The following ABHD4 variants were observed in gnomAD, a reference collection of about 807,000 sequenced individuals.
ABHD4 encodes the protein (Lyso)-N-acylphosphatidylethanolamine lipase.
In ABHD4, 35 loss-of-function variants were observed where a neutral mutation model predicts 42.3. The ratio of observed to expected loss-of-function variants is 0.83; its 90% CI spans 0.63 to 1.10. The LOEUF is 1.10. ABHD4 is among the 50% of genes least tolerant of loss of function. ABHD4 has a pLI of 0.00. For missense variants in ABHD4, 389 were observed against 454.8 expected (o/e 0.86, Z 1.32); for synonymous variants, 169 against 170.6 (o/e 0.99, Z 0.07).
intron 4 of ABHD4, chr14:22,604,371 C>T: frequency 3.8e-6 from 1 of 261,002 alleles, no homozygotes; most frequent in South Asian, 6.1e-5. Flanking sequence ...CTGCCTCAGC[C>T]TCCCAAGTAA....
chr14:22,601,795 G>T (rs1475764744), intron 2 of ABHD4, 40 bp downstream of exon 2: 1 of 1,566,216 alleles, frequency 6.4e-7, no homozygotes, highest in Non-Finnish European at 8.8e-7. Context: ...CCCTCATGGA[G>T]CCCAAGAAGG....
At chr14:22,598,559 C>G in intron 1 of ABHD4, 1 of 1,280,706 alleles carries the variant, frequency 7.8e-7, no homozygotes, top group Non-Finnish European at 1.1e-6. Flanking sequence ...GCCCGGGGAT[C>G]CTGGCTTTCT....
chr14:22,604,479 C>T (rs2037325709), intron 4 of ABHD4, among the ~76,000 whole-genome samples: 1 of 152,040 alleles, frequency 6.6e-6, no homozygotes, highest in African/African-American at 2.4e-5. Flanking sequence ...CTCGATCTGA[C>T]CTCGTGATCC....
At chr14:22,609,447 A>G (rs960197173) in intron 5 of ABHD4, among the ~76,000 whole-genome samples, 5 of 152,160 alleles carry the variant, frequency 3.3e-5, no homozygotes, top group African/African-American at 1.2e-4. Flanking sequence ...CCAGGGCATG[A>G]CAGAATATTT....
intron 1 of ABHD4, chr14:22,600,162 A>T (rs114022333): frequency 2.2e-6 from 1 of 455,970 alleles, no homozygotes; most frequent in African/African-American, 2.0e-5. Flanking sequence ...GACACAGAAA[A>T]GCTAAATAAT....
At chr14:22,609,322 A>G (rs1475981712) in intron 5 of ABHD4, among the ~76,000 whole-genome samples, 4 of 152,122 alleles carry the variant, frequency 2.6e-5, no homozygotes, top group Non-Finnish European at 5.9e-5. Flanking sequence ...TTAAATAACA[A>G]TTAATCATAT....
At chr14:22,607,865 C>G (rs545034667) in intron 5 of ABHD4, among the ~76,000 whole-genome samples, 5 of 152,316 alleles carry the variant, frequency 3.3e-5, no homozygotes, top group African/African-American at 1.2e-4. Context: ...AGCTCCCTCA[C>G]CCCCAAACAC....
intron 1 of ABHD4, 135 bp downstream of exon 1, chr14:22,598,464 GGGGT>G: frequency 6.5e-7 from 1 of 1,539,008 alleles, no homozygotes; most frequent in South Asian, 1.2e-5. Flanking sequence ...GGGAGGGCGG[GGGGT>G]GGGTGCGTTG....
In ABHD4 at chr14:22,602,288, G is replaced by A. The variant is rs529178628; in HGVS notation, c.112+533G>A. On this transcript the variant is annotated intron_variant, in intron 2 of 6. Coordinates refer to ENST00000428304, the MANE Select transcript of ABHD4 (RefSeq NM_022060.3). ...CATTGCAGCAGGGCATCCCACTAGC[G>A]GCAGCAGCCACTCGCTCAAACAAGC... 7.2e-5 allele frequency among the ~76,000 whole-genome samples: 11 copies of A among 152,266 alleles called. No individual in the cohort carries two copies. The South Asian group carries it at 1.9e-3, about 26-fold the overall frequency.
At position 22,611,370 on chromosome 14, in the gene ABHD4, C is replaced by T. The variant is rs1268304732; in HGVS notation, c.*422C>T. 5.6e-6 allele frequency: 1 copy of T among 179,462 alleles called. No homozygotes were observed. Among genetic ancestry groups the T allele is most frequent in the Non-Finnish European group, 1.2e-5 (1 of 83,632 alleles). 11.1% of individuals were successfully genotyped at this position (179,462 alleles called of 1,614,324 possible). A position where few individuals can be genotyped will look rare whatever the true frequency, so the allele number is the denominator to read the frequency against. On this transcript the variant is annotated 3_prime_UTR_variant, in exon 7 of 7. Transcript: ENST00000428304. ...AGGTTCCATGCAAGAACACCTTCCT[C>T]CTCCATCCCCCACTTCACCCCATCC...
Position 22,610,894 on chromosome 14 carries a change from C to G in ABHD4, c.975C>G (p.Asp325Glu), listed in dbSNP as rs762013679. The change falls in exon 7 of 7, where the codon GAC becomes GAG. Residue 325 changes from aspartate (D) to glutamate (E), a missense_variant. Asp to Glu is a conservative substitution (Grantham distance 45). Transcript: ENST00000428304. ...GTGCCTCCCACCATGTCTATGCTGA[C>G]CAGCCACACATCTTCAATGCTGTGG... The part of the protein sequence containing the change: ...IKGASHHVYA[D>E]QPHIFNAVVE... 6.2e-7 allele frequency: 1 copy of G among 1,614,152 alleles called. No individual in the cohort carries two copies. Among genetic ancestry groups the G allele is most frequent in the Non-Finnish European group, 8.5e-7 (1 of 1,180,024 alleles).
chr14:22,600,365 G>A (rs564950711), intron 1 of ABHD4, among the ~76,000 whole-genome samples: 11 of 152,292 alleles, frequency 7.2e-5, no homozygotes, highest in Non-Finnish European at 1.5e-4. Context: ...TTGAGATAAG[G>A]GGCTCTAGTT....
intron 5 of ABHD4, among the ~76,000 whole-genome samples, chr14:22,607,243 C>T (rs925435339): frequency 1.5e-4 from 23 of 152,246 alleles, no homozygotes; most frequent in African/African-American, 5.1e-4. Flanking sequence ...ACACAGCAGG[C>T]CCCACAAGCC....
intron 1 of ABHD4, 120 bp from the exon 2 acceptor site, chr14:22,601,547 T>A (rs2037284936): frequency 4.6e-6 from 4 of 861,032 alleles, no homozygotes; most frequent in Non-Finnish European, 7.6e-6. Context: ...GGGGGGCAGG[T>A]CTCTCAAGGC....
intron 1 of ABHD4, chr14:22,598,622 C>A: frequency 1.5e-6 from 1 of 671,524 alleles, no homozygotes; most frequent in Non-Finnish European, 2.4e-6. Flanking sequence ...GGAGAGATTC[C>A]ATGTTGATGT....
chr14:22,611,040 T>A lies in ABHD4; in HGVS notation c.*92T>A. On this transcript the variant is annotated 3_prime_UTR_variant, in exon 7 of 7. Coordinates refer to ENST00000428304, the MANE Select transcript of ABHD4 (RefSeq NM_022060.3). Reference sequence around the variant, plus strand: ...CCCACTCTGTCCTTTCCTCACCAACTAACATGTGCCAGCCAGGCAGAGTCT... The same window carrying A: ...CCCACTCTGTCCTTTCCTCACCAACAAACATGTGCCAGCCAGGCAGAGTCT... 1 of 1,129,770 alleles carries A rather than the reference T, an allele frequency of 8.9e-7. No individual in the cohort carries two copies. The highest frequency in any genetic ancestry group is 1.3e-6 in the Non-Finnish European group (1 of 760,198). The allele number at this position is 1,129,770 out of a possible 1,614,324, so 70.0% of individuals were successfully genotyped here. A position where few individuals can be genotyped will look rare whatever the true frequency, so the allele number is the denominator to read the frequency against.
chr14:22,612,883 C>G lies in ABHD4; in HGVS notation c.*1935C>G, dbSNP rs2037430218. ...TACTTGTTTAGCGTCTCTTTCCTCC[C>G]CAGACCATAAGCAACATAAAGACAA... On this transcript the variant is annotated 3_prime_UTR_variant, in exon 7 of 7. Transcript: ENST00000428304. The G allele has an allele frequency of 6.6e-6, 1 of 152,220 alleles. No homozygotes were observed. The highest frequency in any genetic ancestry group is 1.5e-5 in the Non-Finnish European group (1 of 68,048). 9.4% of individuals were successfully genotyped at this position (152,220 alleles called of 1,614,324 possible).
At chr14:22,600,931 G>T (rs61972419) in intron 1 of ABHD4, among the ~76,000 whole-genome samples, 7,653 of 150,374 alleles carry the variant, frequency 0.051, 242 homozygotes, top group Middle Eastern at 0.08. Context: ...AAGGTCCCTG[G>T]GTATGAAGGA....
At chr14:22,607,541 G>A (rs1284373005) in intron 5 of ABHD4, among the ~76,000 whole-genome samples, 1 of 152,188 alleles carries the variant, frequency 6.6e-6, no homozygotes, top group Admixed American at 6.5e-5. Context: ...TGTGTGAGCT[G>A]TCTGTCCAGC....
Sources: allele counts gnomAD v4.1 joint callset (sites outside exome capture counted in the v4.1 genomes callset), GRCh38; gene constraint gnomAD v4.1.1; transcripts MANE v1.5; gene names NCBI Gene and HGNC (gene_info 2026-07-23, HGNC 2026-07-21).